XPR1: variants seen among roughly 807,000 people sequenced by gnomAD.
The protein encoded by XPR1 is xenotropic and polytropic retrovirus receptor 1, also known as solute carrier family 53 member 1.
A neutral mutation model predicts 87.5 loss-of-function variants in XPR1; 28 were observed. The observed-to-expected ratio is 0.32, with a 90% CI of 0.24 to 0.44. The LOEUF (loss-of-function observed/expected upper bound fraction) is 0.44, where lower values mean the gene tolerates loss of function less well. XPR1 is among the 20% of genes least tolerant of loss of function. The probability of loss-of-function intolerance (pLI) is 1.00; values close to 1 mark genes in which losing one functional copy is unlikely to be tolerated. For synonymous variants in XPR1, 300 were observed against 306.1 expected (o/e 0.98, Z 0.21); for missense variants, 559 against 862.3 (o/e 0.65, Z 4.41).
At chr1:180,774,565 G>T (rs1447917117) in intron 2 of XPR1, among the ~76,000 whole-genome samples, 5 of 151,280 alleles carry the variant, frequency 3.3e-5, no homozygotes, top group Middle Eastern at 3.4e-3. Context: ...TAATTTTTTT[G>T]TTTGTTTGTT....
intron 7 of XPR1, among the ~76,000 whole-genome samples, chr1:180,812,336 G>A (rs569809185): frequency 2.2e-4 from 34 of 152,148 alleles, no homozygotes; most frequent in Admixed American, 6.5e-4. Context: ...TATAAATACC[G>A]TCTATATGCT....
intron 2 of XPR1, among the ~76,000 whole-genome samples, chr1:180,731,470 G>C (rs1041219523): frequency 3.9e-5 from 6 of 152,298 alleles, no homozygotes; most frequent in African/African-American, 1.4e-4. Flanking sequence ...CTATGGTGCT[G>C]TGATCTGGTG....
intron 1 of XPR1, among the ~76,000 whole-genome samples, chr1:180,671,174 C>T (rs1656156332): frequency 6.6e-6 from 1 of 152,102 alleles, no homozygotes; most frequent in South Asian, 2.1e-4. Context: ...TTTTAGAGGC[C>T]AGCAGAGGAG....
chr1:180,878,692 C>G (rs1435983862), intron 13 of XPR1, among the ~76,000 whole-genome samples: 1 of 152,172 alleles, frequency 6.6e-6, no homozygotes, highest in Admixed American at 6.5e-5. Flanking sequence ...GCTTTTAGAT[C>G]GTACTGCCCA....
At chr1:180,812,807 C>A (rs1558020624) in intron 7 of XPR1, among the ~76,000 whole-genome samples, 1 of 152,068 alleles carries the variant, frequency 6.6e-6, no homozygotes, top group Admixed American at 6.6e-5. Flanking sequence ...CACCACCACA[C>A]CTGGCTAATT....
At position 180,788,929 on chromosome 1, in the gene XPR1, A is replaced by AAGCATCTTACTCAGATATCCTTTTTC. The variant is rs938801700; in HGVS notation, c.223+1106_223+1131dup. 1.2e-4 allele frequency among the ~76,000 whole-genome samples: 18 copies of AAGCATCTTACTCAGATATCCTTTTTC among 152,264 alleles called. No individual in the cohort carries two copies. In the East Asian group the frequency reaches 2.9e-3, roughly 24 times the overall value. ...TTCCTGGCTTGTCCACAACTTCTGG[A>AAGCATCTTACTCAGATATCCTTTTTC]AGCATCTTACTCAGATATCCTTTTT... On this transcript the variant is annotated intron_variant, in intron 3 of 14. Coordinates refer to ENST00000367590, the MANE Select transcript of XPR1 (RefSeq NM_004736.4).
chr1:180,793,244 A>G (rs549033565), intron 3 of XPR1, among the ~76,000 whole-genome samples: 1 of 152,062 alleles, frequency 6.6e-6, no homozygotes, highest in Non-Finnish European at 1.5e-5. Flanking sequence ...TTCTTATTAT[A>G]TAGTTATTCC....
chr1:180,702,396 A>T (rs1282890987), intron 2 of XPR1, among the ~76,000 whole-genome samples: 1 of 150,102 alleles, frequency 6.7e-6, no homozygotes, highest in African/African-American at 2.5e-5. Context: ...TGTGGTGCTG[A>T]AAAAAATGTA....
intron 14 of XPR1, 138 bp from the exon 15 acceptor site, chr1:180,883,868 A>G: frequency 1.6e-6 from 1 of 635,262 alleles, no homozygotes. Flanking sequence ...CTCTAGAATA[A>G]TCCGTCTGGT....
intron 1 of XPR1, among the ~76,000 whole-genome samples, chr1:180,669,797 T>G (rs1656098414): frequency 6.6e-6 from 1 of 152,142 alleles, no homozygotes; most frequent in Admixed American, 6.5e-5. Flanking sequence ...GAAGTTTAAT[T>G]TATAAATTAG....
chr1:180,774,890 C>T (rs1465579571), intron 2 of XPR1, among the ~76,000 whole-genome samples: 1 of 152,126 alleles, frequency 6.6e-6, no homozygotes, highest in African/African-American at 2.4e-5. Flanking sequence ...ATCAAGGCAC[C>T]AACAGACGTA....
chr1:180,825,418 G>A, intron 9 of XPR1, 74 bp downstream of exon 9: 1 of 1,457,056 alleles, frequency 6.9e-7, no homozygotes, highest in Non-Finnish European at 9.2e-7. Flanking sequence ...TAAAACCAAG[G>A]CTGCTAGGTT....
chr1:180,792,407 G>T (rs562582089), intron 3 of XPR1, among the ~76,000 whole-genome samples: 3 of 152,064 alleles, frequency 2.0e-5, no homozygotes, highest in Non-Finnish European at 4.4e-5. Context: ...TTTTCTTGCC[G>T]ATGCTATTTA....
chr1:180,747,216 T>G (rs1418780829), intron 2 of XPR1, among the ~76,000 whole-genome samples: 1 of 152,194 alleles, frequency 6.6e-6, no homozygotes, highest in Non-Finnish European at 1.5e-5. Flanking sequence ...AGTATACATT[T>G]TTTAAAAAGA....
intron 2 of XPR1, among the ~76,000 whole-genome samples, chr1:180,782,176 C>A (rs1648968445): frequency 6.6e-6 from 1 of 151,584 alleles, no homozygotes; most frequent in South Asian, 2.1e-4. Context: ...TTCCTTTTTT[C>A]TGTTACTGCT....
chr1:180,752,534 A>G (rs72723014), intron 2 of XPR1, among the ~76,000 whole-genome samples: 8,089 of 151,190 alleles, frequency 0.054, 309 homozygotes, highest in Non-Finnish European at 0.079. Flanking sequence ...CCTGATTTTT[A>G]TTTTCTATAT....
chr1:180,875,080 C>T (rs1652618053), intron 13 of XPR1, among the ~76,000 whole-genome samples: 1 of 152,156 alleles, frequency 6.6e-6, no homozygotes, highest in Admixed American at 6.5e-5. Context: ...ATTAACCTTA[C>T]ACTGTGCCAT....
At chr1:180,800,033 C>G (rs1436192700) in intron 3 of XPR1, among the ~76,000 whole-genome samples, 1 of 152,142 alleles carries the variant, frequency 6.6e-6, no homozygotes, top group Non-Finnish European at 1.5e-5. Flanking sequence ...AGGAAAAGTT[C>G]CAGGAACTGT....
At chr1:180,682,836 G>A (rs1476487460) in intron 2 of XPR1, among the ~76,000 whole-genome samples, 2 of 147,652 alleles carry the variant, frequency 1.4e-5, no homozygotes, top group African/African-American at 5.0e-5. Context: ...GTGTGTGCGT[G>A]TGTGTGTGTG....
Sources: gnomAD v4.1 joint callset for allele counts (sites outside exome capture counted in the v4.1 genomes callset) on GRCh38, gnomAD v4.1.1 for gene constraint, MANE v1.5 for transcripts, NCBI Gene and HGNC (gene_info 2026-07-23, HGNC 2026-07-21) for gene names.